Variants in SMCO4 observed in about 807,000 individuals in gnomAD.
SMCO4 encodes single-pass membrane and coiled-coil domain-containing protein 4.
SMCO4 carries 4 observed loss-of-function variants against 3.6 expected under a neutral mutation model. The ratio of observed to expected loss-of-function variants is 1.11; its 90% CI spans 0.54 to 2.53. SMCO4 has a LOEUF of 2.53. Ranked by LOEUF, SMCO4 falls within the 30% of genes most tolerant of loss-of-function variation. The pLI is 0.02. For missense variants in SMCO4, 70 were observed against 80.8 expected (o/e 0.87, Z 0.51); for synonymous variants, 36 against 35.3 (o/e 1.02, Z -0.07).
rs1491532041 is a variant in SMCO4 at position 93,478,753 on chromosome 11, A to ACACACACG, written c.*256_*257insCGTGTGTG. 5.7e-6 allele frequency: 4 copies of ACACACACG among 706,130 alleles called. No homozygotes were observed. In the African/African-American group the frequency reaches 7.9e-5, roughly 14 times the overall value. The allele number at this position is 706,130 out of a possible 1,614,324, so 43.7% of individuals were successfully genotyped here. On this transcript the variant is annotated 3_prime_UTR_variant, in exon 3 of 3. Transcript: ENST00000298966. ...CACACACACACACACACACACACAC[A>ACACACACG]TGCGCGCGCGCTTTGAAGTCTGAAA...
intron 1 of SMCO4, among the ~76,000 whole-genome samples, chr11:93,541,536 C>T (rs535613408): frequency 6.6e-6 from 1 of 152,254 alleles, no homozygotes; most frequent in South Asian, 2.1e-4. Flanking sequence ...CAAACCCCAG[C>T]AGGACCAATC....
chr11:93,487,033 T>C (rs1268533757), intron 2 of SMCO4, among the ~76,000 whole-genome samples: 1 of 152,138 alleles, frequency 6.6e-6, no homozygotes, highest in Non-Finnish European at 1.5e-5. Context: ...ATTATTACAA[T>C]ATGAGGCATT....
chr11:93,516,796 G>GA (rs1022612363), intron 1 of SMCO4, among the ~76,000 whole-genome samples: 8 of 149,692 alleles, frequency 5.3e-5, no homozygotes, highest in Non-Finnish European at 8.9e-5. Flanking sequence ...TCAAAAAAAA[G>GA]AAAAAAAAGA....
intron 1 of SMCO4, among the ~76,000 whole-genome samples, chr11:93,511,405 T>C (rs1181021526): frequency 6.6e-6 from 1 of 152,070 alleles, no homozygotes; most frequent in Non-Finnish European, 1.5e-5. Flanking sequence ...AATAGCATCA[T>C]TGCATTATAA....
At chr11:93,519,122 G>C (rs1193141066) in intron 1 of SMCO4, among the ~76,000 whole-genome samples, 1 of 152,148 alleles carries the variant, frequency 6.6e-6, no homozygotes, top group Non-Finnish European at 1.5e-5. Flanking sequence ...GAAAGCATCA[G>C]AACCAACCCA....
chr11:93,494,720 T>C (rs560836589), intron 2 of SMCO4, among the ~76,000 whole-genome samples: 1 of 152,334 alleles, frequency 6.6e-6, no homozygotes, highest in East Asian at 1.9e-4. Flanking sequence ...TTAGAACTAA[T>C]AAAAGGACTT....
At chr11:93,516,498 G>C (rs1227391918) in intron 1 of SMCO4, among the ~76,000 whole-genome samples, 4 of 151,366 alleles carry the variant, frequency 2.6e-5, no homozygotes, top group East Asian at 1.9e-4. Flanking sequence ...AATTAGAAAA[G>C]AGAGAGATCG....
At chr11:93,537,244 C>G (rs1167444741) in intron 1 of SMCO4, among the ~76,000 whole-genome samples, 2 of 152,254 alleles carry the variant, frequency 1.3e-5, no homozygotes, top group African/African-American at 2.4e-5. Context: ...GACAAAGGCA[C>G]CATGTGCCAG....
chr11:93,488,003 G>A (rs554556660), intron 2 of SMCO4, among the ~76,000 whole-genome samples: 1 of 152,388 alleles, frequency 6.6e-6, no homozygotes, highest in South Asian at 2.1e-4. Flanking sequence ...AGGTAATGAA[G>A]CTGTCTTCAT....
chr11:93,489,439 A>G (rs1948688361), intron 2 of SMCO4, among the ~76,000 whole-genome samples: 1 of 152,232 alleles, frequency 6.6e-6, no homozygotes, highest in African/African-American at 2.4e-5. Context: ...GAGAGAAGCC[A>G]TGAACAGCTG....
intron 2 of SMCO4, among the ~76,000 whole-genome samples, chr11:93,485,413 A>G (rs1363878777): frequency 6.6e-6 from 1 of 152,236 alleles, no homozygotes; most frequent in Admixed American, 6.5e-5. Flanking sequence ...CTATGCTGGA[A>G]TGCGCTTTTC....
chr11:93,514,965 A>C (rs1948995973), intron 1 of SMCO4, among the ~76,000 whole-genome samples: 1 of 152,138 alleles, frequency 6.6e-6, no homozygotes. Flanking sequence ...TGGCATTCAA[A>C]CCCAAGGCTA....
upstream of SMCO4, among the ~76,000 whole-genome samples, chr11:93,547,411 G>A (rs150648443): frequency 9.9e-5 from 15 of 152,256 alleles, no homozygotes; most frequent in African/African-American, 3.4e-4. Flanking sequence ...ATAATCTCTC[G>A]GGCCTTGCCT....
At chr11:93,509,842 A>C (rs1480332142) in intron 1 of SMCO4, among the ~76,000 whole-genome samples, 1 of 152,182 alleles carries the variant, frequency 6.6e-6, no homozygotes, top group Non-Finnish European at 1.5e-5. Flanking sequence ...GAGCAGAGTG[A>C]GGGATAAAAG....
intron 1 of SMCO4, among the ~76,000 whole-genome samples, chr11:93,500,183 G>C (rs1299805406): frequency 6.6e-6 from 1 of 152,130 alleles, no homozygotes; most frequent in African/African-American, 2.4e-5. Context: ...TCATTTCAAG[G>C]TATGGTGGGT....
At chr11:93,502,572 GC>G (rs752277434) in intron 1 of SMCO4, among the ~76,000 whole-genome samples, 32 of 152,154 alleles carry the variant, frequency 2.1e-4, no homozygotes, top group Non-Finnish European at 7.3e-5. Flanking sequence ...AACAGGTATG[GC>G]CATGGTAAAA....
At chr11:93,500,333 C>T (rs1948822929) in intron 1 of SMCO4, among the ~76,000 whole-genome samples, 1 of 152,186 alleles carries the variant, frequency 6.6e-6, no homozygotes, top group Non-Finnish European at 1.5e-5. Context: ...GTACTGGCTG[C>T]TGTGCTGCCT....
At chr11:93,538,335 C>T (rs1182336697) in intron 1 of SMCO4, among the ~76,000 whole-genome samples, 2 of 152,204 alleles carry the variant, frequency 1.3e-5, no homozygotes, top group African/African-American at 4.8e-5. Context: ...CCATCTAGGG[C>T]AGATCAACTC....
At chr11:93,532,578 A>G (rs144854872) in intron 1 of SMCO4, among the ~76,000 whole-genome samples, 3 of 152,174 alleles carry the variant, frequency 2.0e-5, no homozygotes, top group Non-Finnish European at 4.4e-5. Context: ...CCCCTAATAA[A>G]TCCCCTCTCA....
Sources: allele counts gnomAD v4.1 joint callset (sites outside exome capture counted in the v4.1 genomes callset), GRCh38; gene constraint gnomAD v4.1.1; transcripts MANE v1.5; gene names NCBI Gene and HGNC (gene_info 2026-07-23, HGNC 2026-07-21).